The following ANXA3 variants were observed in gnomAD, a reference collection of about 807,000 sequenced individuals.
ANXA3 encodes the protein annexin A3.
ANXA3 carries 46 observed loss-of-function variants against 48.8 expected under a neutral mutation model. The ratio of observed to expected loss-of-function variants is 0.94; its 90% CI spans 0.74 to 1.21. ANXA3 has a LOEUF of 1.21. Ranked by LOEUF, ANXA3 falls within the 50% of genes most tolerant of loss-of-function variation. The pLI, the probability that ANXA3 is intolerant of heterozygous loss-of-function variation, is 0.00. For missense variants in ANXA3, 383 were observed against 378.6 expected, an observed-to-expected ratio of 1.01 and a Z score of -0.10; for synonymous variants, 128 against 134.7, an observed-to-expected ratio of 0.95 and a Z score of 0.35.
At chr4:78,554,793 A>G (rs956809476) in intron 2 of ANXA3, among the ~76,000 whole-genome samples, 1 of 152,258 alleles carries the variant, frequency 6.6e-6, no homozygotes, top group Admixed American at 6.5e-5. Context: ...GAAGAGACGG[A>G]TTATTCAATA....
chr4:78,593,944 CTCTT>C (rs1214208233), intron 7 of ANXA3, among the ~76,000 whole-genome samples: 3 of 150,860 alleles, frequency 2.0e-5, no homozygotes, highest in East Asian at 3.9e-4. Context: ...TTAGGGTTCA[CTCTT>C]TCTGTGATAT....
intron 3 of ANXA3, among the ~76,000 whole-genome samples, chr4:78,576,204 A>G (rs1453993411): frequency 6.6e-6 from 1 of 152,166 alleles, no homozygotes; most frequent in Non-Finnish European, 1.5e-5. Flanking sequence ...AATATACTAT[A>G]TTAGAACTTT....
intron 3 of ANXA3, 44 bp from the exon 4 acceptor site, chr4:78,578,983 T>C (rs369526651): frequency 3.0e-6 from 4 of 1,341,284 alleles, no homozygotes; most frequent in Non-Finnish European, 4.2e-6. Context: ...TCAAGACAAA[T>C]GTTGAGCATA....
At chr4:78,608,667 C>T (rs182539216) in intron 12 of ANXA3, among the ~76,000 whole-genome samples, 3 of 152,232 alleles carry the variant, frequency 2.0e-5, no homozygotes, top group Admixed American at 2.0e-4. Context: ...AAGTTCCTAA[C>T]TTGGAAAACA....
intron 3 of ANXA3, among the ~76,000 whole-genome samples, chr4:78,575,674 G>A (rs555671633): frequency 8.5e-5 from 13 of 152,266 alleles, no homozygotes; most frequent in South Asian, 4.1e-4. Context: ...TATCAACAAC[G>A]TGAAATGGAT....
At position 78,599,012 on chromosome 4, in the gene ANXA3, A is replaced by G. The variant is rs113702137; in HGVS notation, c.730+1598A>G. On this transcript the variant is annotated intron_variant, in intron 10 of 12. Coordinates refer to ENST00000264908, the MANE Select transcript of ANXA3 (RefSeq NM_005139.3). ...GTATTACATTTGGGCTATAATGCAC[A>G]TTATTTTATCATGTAAAAAAAGACC... Among the ~76,000 whole-genome samples, 518 of 152,312 alleles carry G rather than the reference A, an allele frequency of 3.4e-3. 4 individuals carry two copies. The highest frequency in any genetic ancestry group is 0.024 in the Middle Eastern group (7 of 294).
intron 3 of ANXA3, among the ~76,000 whole-genome samples, chr4:78,575,158 T>A (rs1722921205): frequency 6.6e-6 from 1 of 152,230 alleles, no homozygotes; most frequent in Admixed American, 6.5e-5. Context: ...GCTTCCACTT[T>A]CATATGTCAA....
rs146857491 is a variant in ANXA3, at chr4:78,599,235, C to T, written c.730+1821C>T. ...CCATCACCACAATCTAAGTTTAGGA[C>T]GTTTTAATCAGCCGCATAAGAAACC... On this transcript the variant is annotated intron_variant, in intron 10 of 12. Transcript: ENST00000264908. Among the ~76,000 whole-genome samples, 563 of 152,272 alleles carry T rather than the reference C, an allele frequency of 3.7e-3. 4 individuals carry two copies. The highest frequency in any genetic ancestry group is 0.017 in the Middle Eastern group (5 of 294).
intron 6 of ANXA3, among the ~76,000 whole-genome samples, chr4:78,588,143 G>A (rs1247641957): frequency 6.6e-6 from 1 of 151,966 alleles, no homozygotes; most frequent in East Asian, 1.9e-4. Flanking sequence ...TGTAATCCTG[G>A]CATTTTGGGA....
chr4:78,571,080 C>T (rs974509003), intron 2 of ANXA3: 49 of 152,222 alleles, frequency 3.2e-4, no homozygotes, highest in African/African-American at 9.4e-4. Flanking sequence ...GACACAATCA[C>T]AGCTCACTGC....
At chr4:78,597,243 T>C in intron 9 of ANXA3, 76 bp from the exon 10 acceptor site, 9 of 926,176 alleles carry the variant, frequency 9.7e-6, no homozygotes, top group Non-Finnish European at 1.5e-5. Context: ...CTTCTGCATA[T>C]CAAATAAAAA....
At chr4:78,597,277 C>A in intron 9 of ANXA3, 42 bp from the exon 10 acceptor site, 3 of 1,299,216 alleles carry the variant, frequency 2.3e-6, no homozygotes, top group South Asian at 2.4e-5. Flanking sequence ...CAAATGTGCT[C>A]AACTGCGTTG....
chr4:78,586,353 G>C lies in ANXA3; in HGVS notation c.403+3G>C, dbSNP rs369733441. The stretch of plus-strand genomic sequence containing the variant: ...TATCTCTCAAGCCTATTATACAGGT[G>C]TCTTATTTTCTGCTTACCTTCACCA... On this transcript the variant is annotated splice_donor_region_variant and intron_variant, in intron 6 of 12. Coordinates refer to ENST00000264908, the MANE Select transcript of ANXA3 (RefSeq NM_005139.3). 7 of 1,606,838 alleles carry C rather than the reference G, an allele frequency of 4.4e-6. No homozygotes were observed. The African/African-American group carries it at 9.4e-5, about 22-fold the overall frequency.
chr4:78,584,876 A>T (rs573036549), intron 5 of ANXA3, among the ~76,000 whole-genome samples: 1 of 152,298 alleles, frequency 6.6e-6, no homozygotes, highest in Non-Finnish European at 1.5e-5. Flanking sequence ...CTATGAGAGG[A>T]GAGAGGAGAG....
chr4:78,579,926 A>G (rs975132132), intron 4 of ANXA3, among the ~76,000 whole-genome samples: 1 of 152,254 alleles, frequency 6.6e-6, no homozygotes, highest in Non-Finnish European at 1.5e-5. Flanking sequence ...CTCCGTCTCA[A>G]AAAACAAAAT....
chr4:78,560,098 C>A (rs1280389981), intron 2 of ANXA3, among the ~76,000 whole-genome samples: 1 of 152,084 alleles, frequency 6.6e-6, no homozygotes. Context: ...TTCCTTCTGA[C>A]CACTCTTGTT....
At chr4:78,583,108 G>A (rs1304542014) in intron 5 of ANXA3, among the ~76,000 whole-genome samples, 7 of 152,310 alleles carry the variant, frequency 4.6e-5, no homozygotes, top group African/African-American at 1.7e-4. Flanking sequence ...GGAGGCCAAG[G>A]TAGGTAGATT....
intron 10 of ANXA3, among the ~76,000 whole-genome samples, chr4:78,601,151 C>T (rs1443348559): frequency 6.6e-6 from 1 of 152,086 alleles, no homozygotes; most frequent in Non-Finnish European, 1.5e-5. Flanking sequence ...ATCAGTAGCC[C>T]GAGATGCTAG....
intron 5 of ANXA3, among the ~76,000 whole-genome samples, chr4:78,584,917 T>G (rs544875517): frequency 6.6e-6 from 1 of 152,334 alleles, no homozygotes; most frequent in Admixed American, 6.5e-5. Context: ...AGAGCCTCAG[T>G]GCATAGTGAA....
Sources: gnomAD v4.1 joint callset for allele counts (sites outside exome capture counted in the v4.1 genomes callset) on GRCh38, gnomAD v4.1.1 for gene constraint, MANE v1.5 for transcripts, NCBI Gene and HGNC (gene_info 2026-07-23, HGNC 2026-07-21) for gene names.